Variants in TMEM243 observed in about 807,000 individuals in gnomAD.
TMEM243 encodes the protein MDR1 and mitochondrial taxol resistance associated.
Under a neutral mutation model 15.0 loss-of-function variants are expected in TMEM243, and 20 were observed. The ratio of observed to expected loss-of-function variants is 1.33; its 90% CI spans 0.94 to 1.93. The LOEUF (loss-of-function observed/expected upper bound fraction) is 1.93. Among genes scored for constraint, TMEM243 ranks in the 30% most tolerant of loss-of-function variants. The probability of loss-of-function intolerance (pLI) is 0.00; values close to 1 mark genes in which losing one functional copy is unlikely to be tolerated. For synonymous variants in TMEM243, 72 were observed against 52.7 expected, an observed-to-expected ratio of 1.37 and a Z score of -1.59; for missense variants, 156 against 142.1, an observed-to-expected ratio of 1.10 and a Z score of -0.50.
intron 1 of TMEM243, among the ~76,000 whole-genome samples, chr7:87,204,594 C>T (rs941969957): frequency 6.6e-6 from 1 of 152,220 alleles, no homozygotes; most frequent in Non-Finnish European, 1.5e-5. Flanking sequence ...CAAAAACCAG[C>T]AGGGCAGTCA....
intron 1 of TMEM243, among the ~76,000 whole-genome samples, chr7:87,209,678 G>A (rs1443919132): frequency 1.9e-4 from 24 of 123,210 alleles, no homozygotes; most frequent in African/African-American, 5.2e-4. Context: ...GAGCGAGAGC[G>A]AGACACAGCG....
At chr7:87,206,372 A>T (rs185219706) in intron 1 of TMEM243, among the ~76,000 whole-genome samples, 6 of 152,336 alleles carry the variant, frequency 3.9e-5, no homozygotes. Flanking sequence ...CAGTCTTTAC[A>T]CTTAACTGCA....
At chr7:87,214,431 G>A (rs1802966361) in intron 1 of TMEM243, among the ~76,000 whole-genome samples, 1 of 152,182 alleles carries the variant, frequency 6.6e-6, no homozygotes, top group African/African-American at 2.4e-5. Flanking sequence ...GGAGGGAAAA[G>A]CAGAGGAAGG....
chr7:87,206,661 G>A (rs528842624), intron 1 of TMEM243, among the ~76,000 whole-genome samples: 69 of 152,298 alleles, frequency 4.5e-4, no homozygotes, highest in African/African-American at 1.6e-3. Context: ...ATAGAACAGT[G>A]CACAGTTTAA....
intron 1 of TMEM243, among the ~76,000 whole-genome samples, chr7:87,208,842 A>G (rs1432986044): frequency 6.6e-6 from 1 of 152,240 alleles, no homozygotes. Flanking sequence ...GAGGGCTCCC[A>G]CTACCCAGGG....
At chr7:87,201,805 C>T (rs1349360108) in intron 1 of TMEM243, among the ~76,000 whole-genome samples, 2 of 152,202 alleles carry the variant, frequency 1.3e-5, no homozygotes, top group African/African-American at 4.8e-5. Flanking sequence ...TTTATTTTCA[C>T]TCTAGTTCTA....
At chr7:87,205,684 G>T (rs753475983) in intron 1 of TMEM243, among the ~76,000 whole-genome samples, 6 of 152,124 alleles carry the variant, frequency 3.9e-5, no homozygotes, top group Non-Finnish European at 7.3e-5. Flanking sequence ...ACCTCAGCGT[G>T]AACCTTATTG....
Position 87,198,143 on chromosome 7 carries a change from T to C in TMEM243, c.130-98A>G, listed in dbSNP as rs879194926. The C allele has an allele frequency of 7.2e-6, 7 of 969,448 alleles. No individual in the cohort carries two copies. The South Asian group carries it at 1.0e-4, about 14-fold the overall frequency. The allele number at this position is 969,448 out of a possible 1,614,324, so 60.1% of individuals were successfully genotyped here. ...CAACAGTACTACAAAATGCTTCATGTTATAAAATTACATCTGCCACCAAGT... is the reference window on the plus strand; with the variant it reads ...CAACAGTACTACAAAATGCTTCATGCTATAAAATTACATCTGCCACCAAGT... On this transcript the variant is annotated intron_variant, in intron 2 of 3. Transcript: ENST00000257637.
Position 87,203,653 on chromosome 7 carries a change from C to T in TMEM243, c.79-4596G>A, listed in dbSNP as rs367572581. On this transcript the variant is annotated intron_variant, in intron 1 of 3. Coordinates refer to ENST00000257637, the MANE Select transcript of TMEM243 (RefSeq NM_024315.4). Reference sequence around the variant, plus strand: ...TCTTAAAAAACATTTCTCATTTAAACGCAAATGTTTGTATGAAGATTTCTG... The same window carrying T: ...TCTTAAAAAACATTTCTCATTTAAATGCAAATGTTTGTATGAAGATTTCTG... 1.5e-4 allele frequency among the ~76,000 whole-genome samples: 22 copies of T among 149,988 alleles called. No individual in the cohort carries two copies. The East Asian group carries it at 3.1e-3, about 21-fold the overall frequency.
At chr7:87,205,570 A>C (rs917268904) in intron 1 of TMEM243, among the ~76,000 whole-genome samples, 1 of 152,156 alleles carries the variant, frequency 6.6e-6, no homozygotes, top group Non-Finnish European at 1.5e-5. Context: ...AAGTTCCACA[A>C]ATCTCTAGGG....
At chr7:87,199,078 T>G in intron 1 of TMEM243, 21 bp from the exon 2 acceptor site, 1 of 1,599,972 alleles carries the variant, frequency 6.3e-7, no homozygotes, top group Non-Finnish European at 8.5e-7. Flanking sequence ...AAAGAATTTT[T>G]AAGCCATATG....
chr7:87,216,009 G>C (rs986756317), intron 1 of TMEM243, among the ~76,000 whole-genome samples: 1 of 152,030 alleles, frequency 6.6e-6, no homozygotes, highest in Non-Finnish European at 1.5e-5. Context: ...GGTGGCTCAC[G>C]CCTGTAATCC....
At chr7:87,204,523 A>G (rs1225139968) in intron 1 of TMEM243, among the ~76,000 whole-genome samples, 2 of 152,220 alleles carry the variant, frequency 1.3e-5, no homozygotes, top group Admixed American at 1.3e-4. Context: ...TTGAGTAAAT[A>G]CACACATTCC....
intron 1 of TMEM243, among the ~76,000 whole-genome samples, chr7:87,203,624 A>G (rs1383027059): frequency 6.6e-6 from 1 of 151,480 alleles, no homozygotes; most frequent in African/African-American, 2.4e-5. Flanking sequence ...AAAAAAAAAA[A>G]TTGTCTTAAA....
chr7:87,214,173 C>T (rs1218676630), intron 1 of TMEM243, among the ~76,000 whole-genome samples: 1 of 152,234 alleles, frequency 6.6e-6, no homozygotes, highest in Non-Finnish European at 1.5e-5. Context: ...CTCTCCCTCT[C>T]CTCCTAGTTT....
chr7:87,196,612 G>GGTAA lies in TMEM243; in HGVS notation c.*20_*23dup, dbSNP rs765258227. 1 of 1,605,394 alleles carries GGTAA rather than the reference G, an allele frequency of 6.2e-7. No homozygotes were observed. Among genetic ancestry groups the GGTAA allele is most frequent in the Admixed American group, 1.7e-5 (1 of 58,724 alleles). On this transcript the variant is annotated 3_prime_UTR_variant, in exon 4 of 4. Transcript: ENST00000257637. ...CTAATGTATCATTTTGAAGAGTCCTGGTAAGTACTTCTCCTTGGCAGCCTC... is the reference window on the plus strand; with the variant it reads ...CTAATGTATCATTTTGAAGAGTCCTGGTAAGTAAGTACTTCTCCTTGGCAGCCTC...
intron 1 of TMEM243, among the ~76,000 whole-genome samples, chr7:87,208,241 A>G (rs890752117): frequency 6.6e-6 from 1 of 152,230 alleles, no homozygotes. Flanking sequence ...AAGTCCACCT[A>G]TGAGTCTGTA....
In TMEM243 at chr7:87,198,017, G is replaced by A; in HGVS notation, c.158C>T (p.Pro53Leu). 1 of 1,612,552 alleles carries A rather than the reference G, an allele frequency of 6.2e-7. No homozygotes were observed. The highest frequency in any genetic ancestry group is 8.5e-7 in the Non-Finnish European group (1 of 1,179,084). ...ATTCAACGGTTTTGGAGGTAGTTGA[G>A]GGAAAACAAAAGCACTTATCAGCGT... ...LVTLISAFVF[P>L]QLPPKPLNIF... Residue 53 changes from proline to leucine, a missense_variant, in exon 3 of 4, where the codon CCT becomes CTT. Pro to Leu is a moderately conservative substitution (Grantham distance 98, BLOSUM62 -3). Coordinates refer to ENST00000257637, the MANE Select transcript of TMEM243 (RefSeq NM_024315.4).
chr7:87,199,005 A>C lies in TMEM243; in HGVS notation c.129+2T>G. 5.6e-6 allele frequency: 9 copies of C among 1,599,524 alleles called. No individual in the cohort carries two copies. The highest frequency in any genetic ancestry group is 2.3e-5 in the East Asian group (1 of 44,226). On this transcript the variant is annotated splice_donor_variant, in intron 2 of 3. Transcript: ENST00000257637. LOFTEE classifies it high-confidence loss of function. ...GGTGAGGCACAAAATGAGGATACTT[A>C]CTAGAATCAATAAGGATGTTAAGCT...
Sources: allele counts gnomAD v4.1 joint callset (sites outside exome capture counted in the v4.1 genomes callset), GRCh38; gene constraint gnomAD v4.1.1; transcripts MANE v1.5; gene names NCBI Gene and HGNC (gene_info 2026-07-23, HGNC 2026-07-21).